BCOR: variants seen among roughly 807,000 people sequenced by gnomAD.
BCOR encodes the protein BCL6 corepressor.
BCOR carries 10 observed loss-of-function variants against 86.7 expected under a neutral mutation model. The observed-to-expected ratio is 0.12, with a 90% confidence interval of 0.07 to 0.20. The LOEUF is 0.20. Among genes scored for constraint, BCOR ranks in the 10% least tolerant of loss-of-function variants. The pLI, the probability that BCOR is intolerant of heterozygous loss-of-function variation, is 1.00. For synonymous variants in BCOR, 611 were observed against 609.0 expected, an observed-to-expected ratio of 1.00 and a Z score of -0.05; for missense variants, 1,259 against 1,452.1, an observed-to-expected ratio of 0.87 and a Z score of 2.16.
intron 1 of BCOR, among the ~76,000 whole-genome samples, chrX:40,139,432 A>T (rs1421400807): frequency 1.2e-4 from 2 of 17,017 alleles, no homozygotes; most frequent in Admixed American, 1.1e-3. Flanking sequence ...ATACATATAT[A>T]TATATATATA....
intron 1 of BCOR, among the ~76,000 whole-genome samples, chrX:40,143,742 G>C (rs1051183070): frequency 1.8e-5 from 2 of 112,739 alleles, no homozygotes; most frequent in African/African-American, 6.4e-5. Context: ...GGATCACGAG[G>C]TCAGGAGTTT....
Position 40,052,240 on chromosome X carries a change from G to A in BCOR, c.5137C>T (p.Leu1713=). The change falls in exon 15 of 15, where the codon CTG becomes TTG. Residue 1713 remains leucine, a synonymous_variant. Transcript: ENST00000378444. ...ASLLFSCSKD[L]EAFNPESKEL... ...TTACTTTCAGGGTTGAAGGCTTCCA[G>A]GTCTTTGGAGCAAGAGAACAAGAGA... The A allele has an allele frequency of 1.7e-6, 2 of 1,211,884 alleles. No homozygotes were observed. Among genetic ancestry groups the A allele is most frequent in the Non-Finnish European group, 2.2e-6 (2 of 895,530 alleles).
At chrX:40,086,017 G>C (rs1197739902) in intron 1 of BCOR, among the ~76,000 whole-genome samples, 1 of 112,187 alleles carries the variant, frequency 8.9e-6, no homozygotes, top group East Asian at 2.8e-4. Flanking sequence ...GCTTCAGGAC[G>C]GCACCTTTGC....
At chrX:40,139,217 G>T (rs950561180) in intron 1 of BCOR, among the ~76,000 whole-genome samples, 4 of 103,141 alleles carry the variant, frequency 3.9e-5, no homozygotes, top group African/African-American at 1.4e-4. Flanking sequence ...AACTAATTCA[G>T]ACCTTTGAAG....
chrX:40,121,469 G>T (rs1937485437), intron 1 of BCOR, among the ~76,000 whole-genome samples: 1 of 112,799 alleles, frequency 8.9e-6, no homozygotes, highest in Non-Finnish European at 1.9e-5. Context: ...TAGCGTTAAG[G>T]CTATAATTAC....
intron 6 of BCOR, among the ~76,000 whole-genome samples, 200 bp downstream of exon 6, chrX:40,070,773 T>C (rs1007379128): frequency 8.9e-6 from 1 of 112,076 alleles, no homozygotes; most frequent in African/African-American, 3.3e-5. Context: ...TAGACTGTTA[T>C]CAACTCTAGA....
Position 40,097,821 on chromosome X carries a change from G to A in BCOR, c.-647C>T, listed in dbSNP as rs956513623. Among the ~76,000 whole-genome samples the A allele has an allele frequency of 9.1e-6, 1 of 109,454 alleles. No individual in the cohort carries two copies. The highest frequency in any genetic ancestry group is 9.4e-5 in the Admixed American group (1 of 10,629). On this transcript the variant is annotated 5_prime_UTR_variant, in exon 1 of 15. Transcript: ENST00000378444. ...GCGGCTCGCGGGCTCCCCCTCCGCCGCCGCCGCCCGCCTAGCTCCCGCTCT... is the reference window on the plus strand; with the variant it reads ...GCGGCTCGCGGGCTCCCCCTCCGCCACCGCCGCCCGCCTAGCTCCCGCTCT...
intron 1 of BCOR, among the ~76,000 whole-genome samples, chrX:40,115,090 G>A (rs891229496): frequency 2.7e-5 from 3 of 111,018 alleles, no homozygotes; most frequent in Non-Finnish European, 3.8e-5. Flanking sequence ...TTGACCTTGT[G>A]ATCTGCCCAC....
In BCOR at chrX:40,106,071, C is replaced by A. The variant is rs1046908631; in HGVS notation, c.-40-28102G>T. ...CCACGTAGGGACGTAGGGTCGGCTG[C>A]GGGGCTCGGACTTTGCCACTCCACC... is the stretch of plus-strand genomic sequence containing the variant. On this transcript the variant is annotated intron_variant, in intron 1 of 14. Transcript: ENST00000342274. Among the ~76,000 whole-genome samples the A allele has an allele frequency of 2.7e-5, 3 of 111,860 alleles. No homozygotes were observed. The Admixed American group carries it at 2.8e-4, about 10-fold the overall frequency.
At chrX:40,091,143 T>C (rs745625367) in intron 1 of BCOR, among the ~76,000 whole-genome samples, 1 of 111,882 alleles carries the variant, frequency 8.9e-6, no homozygotes, top group African/African-American at 3.2e-5. Flanking sequence ...GTTCCCCTGG[T>C]TTGCACCTAG....
chrX:40,108,172 C>T (rs1196792093), intron 1 of BCOR, among the ~76,000 whole-genome samples: 4 of 112,501 alleles, frequency 3.6e-5, no homozygotes, highest in African/African-American at 9.7e-5. Flanking sequence ...CAGCTGCCAA[C>T]CCATTTACAT....
At chrX:40,069,445 T>C (rs1935363447) in intron 6 of BCOR, among the ~76,000 whole-genome samples, 1 of 111,675 alleles carries the variant, frequency 9.0e-6, no homozygotes, top group Non-Finnish European at 1.9e-5. Flanking sequence ...TGGGCCCTGC[T>C]CCCCATTGGC....
intron 2 of BCOR, chrX:40,077,472 T>A (rs1281246256): frequency 5.2e-6 from 1 of 190,745 alleles, no homozygotes; most frequent in Non-Finnish European, 9.6e-6. Context: ...ACGGTGGCTC[T>A]CTCCCCATTT....
upstream of BCOR, among the ~76,000 whole-genome samples, chrX:40,102,563 G>C (rs1161894342): frequency 8.8e-6 from 1 of 114,028 alleles, no homozygotes; most frequent in East Asian, 2.8e-4. Flanking sequence ...TTACCCGGCT[G>C]GGGGCAGTGA....
In BCOR at chrX:40,074,603, G is replaced by A. The variant is rs771988446; in HGVS notation, c.743C>T (p.Pro248Leu). Residue 248 changes from proline to leucine, a missense_variant, in exon 4 of 15, where the codon CCG (proline) becomes CTG (leucine). Physicochemically the swap from Pro to Leu is moderately conservative, Grantham distance 98. Coordinates refer to ENST00000378444, the MANE Select transcript of BCOR (RefSeq NM_001123385.2). The stretch of plus-strand genomic sequence containing the variant: ...GTGGGGACCGACGTAGTGAGGTGGC[G>A]GCAGGTAGAGAAAGCGCTCCCCATT... Reference protein sequence around the residue: ...CTNGERFLYLPPPHYVGPHIP... With the variant: ...CTNGERFLYLLPPHYVGPHIP... The A allele has an allele frequency of 1.6e-6, 2 of 1,212,190 alleles. No individual in the cohort carries two copies. Among genetic ancestry groups the A allele is most frequent in the Non-Finnish European group, 2.2e-6 (2 of 895,507 alleles).
intron 7 of BCOR, among the ~76,000 whole-genome samples, 180 bp from the exon 8 acceptor site, chrX:40,064,132 C>A (rs1201882119): frequency 9.1e-6 from 1 of 109,391 alleles, no homozygotes; most frequent in Non-Finnish European, 1.9e-5. Context: ...GTGTGGGCGG[C>A]TCCCCCCGGG....
At chrX:40,085,752 G>A (rs1159740563) in intron 1 of BCOR, among the ~76,000 whole-genome samples, 1 of 111,888 alleles carries the variant, frequency 8.9e-6, no homozygotes, top group African/African-American at 3.3e-5. Context: ...ATGGGGGAGA[G>A]GAGTGAATTT....
At chrX:40,095,762 C>T (rs940627118) in intron 1 of BCOR, among the ~76,000 whole-genome samples, 1 of 103,189 alleles carries the variant, frequency 9.7e-6, no homozygotes, top group Non-Finnish European at 2.0e-5. Flanking sequence ...CCTCCAGACG[C>T]CGGCGGCGCG....
intron 1 of BCOR, among the ~76,000 whole-genome samples, chrX:40,161,502 TC>T (rs1234752964): frequency 1.6e-4 from 13 of 83,709 alleles, no homozygotes; most frequent in African/African-American, 5.7e-4. Context: ...AGGCCGATTC[TC>T]CCCTTTTTTT....
Sources: allele counts gnomAD v4.1 joint callset (sites outside exome capture counted in the v4.1 genomes callset), GRCh38; gene constraint gnomAD v4.1.1; transcripts MANE v1.5; gene names NCBI Gene and HGNC (gene_info 2026-07-23, HGNC 2026-07-21).